Variants in STX8 observed in about 807,000 individuals in gnomAD.
STX8 encodes syntaxin 8, also known as syntaxin-8.
STX8 carries 23 observed loss-of-function variants against 37.5 expected under a neutral mutation model. That is an observed-to-expected ratio of 0.61 (90% CI 0.44 to 0.87). The LOEUF (loss-of-function observed/expected upper bound fraction) is 0.87. Among genes scored for constraint, STX8 ranks in the 40% least tolerant of loss-of-function variants. The probability of loss-of-function intolerance (pLI) is 0.00; values close to 1 mark genes in which losing one functional copy is unlikely to be tolerated. For missense variants in STX8, 313 were observed against 284.7 expected, an observed-to-expected ratio of 1.10 and a Z score of -0.71; for synonymous variants, 115 against 99.1, an observed-to-expected ratio of 1.16 and a Z score of -0.95.
At chr17:9,563,375 G>A (rs1907328660) in intron 2 of STX8, among the ~76,000 whole-genome samples, 1 of 151,798 alleles carries the variant, frequency 6.6e-6, no homozygotes, top group African/African-American at 2.4e-5. Context: ...GTAGAGACGG[G>A]GTTTCACCAT....
intron 7 of STX8, among the ~76,000 whole-genome samples, chr17:9,331,448 T>C (rs1433906127): frequency 1.3e-5 from 2 of 151,948 alleles, no homozygotes; most frequent in African/African-American, 2.4e-5. Flanking sequence ...ACCAGGAGTA[T>C]GAATTGCTTT....
At chr17:9,335,142 A>G (rs777443755) in intron 7 of STX8, among the ~76,000 whole-genome samples, 2 of 152,192 alleles carry the variant, frequency 1.3e-5, no homozygotes, top group Non-Finnish European at 1.5e-5. Flanking sequence ...AAAATAGCCA[A>G]TCGGAATTAG....
intron 6 of STX8, among the ~76,000 whole-genome samples, chr17:9,439,407 G>T (rs1904558667): frequency 6.6e-6 from 1 of 152,074 alleles, no homozygotes; most frequent in South Asian, 2.1e-4. Flanking sequence ...AATGTGGCTG[G>T]ACATTTGTAA....
At chr17:9,458,899 G>A (rs372538228) in intron 6 of STX8, among the ~76,000 whole-genome samples, 26 of 149,504 alleles carry the variant, frequency 1.7e-4, no homozygotes, top group African/African-American at 5.9e-4. Flanking sequence ...GTGCAATCTC[G>A]GCTCACTGCA....
intron 4 of STX8, among the ~76,000 whole-genome samples, chr17:9,518,125 ACTTTCT>A (rs72028450): frequency 0.069 from 10,553 of 152,068 alleles, 1,253 homozygotes; most frequent in African/African-American, 0.24. Context: ...TCAAGCAATG[ACTTTCT>A]CTCCTATTTG....
At chr17:9,375,063 C>CA (rs58594029) in intron 7 of STX8, among the ~76,000 whole-genome samples, 1,597 of 64,648 alleles carry the variant, frequency 0.025, 39 homozygotes, top group African/African-American at 0.041. Flanking sequence ...GACTCTGTCT[C>CA]AAAAAAAAAA....
At chr17:9,502,766 A>G (rs1306499109) in intron 5 of STX8, among the ~76,000 whole-genome samples, 4 of 152,170 alleles carry the variant, frequency 2.6e-5, no homozygotes, top group Admixed American at 2.6e-4. Flanking sequence ...GGATACACAG[A>G]TTGTGGTAAA....
intron 7 of STX8, among the ~76,000 whole-genome samples, chr17:9,254,038 CT>C (rs1906690711): frequency 6.6e-6 from 1 of 152,156 alleles, no homozygotes; most frequent in Admixed American, 6.5e-5. Flanking sequence ...CTACAGCAAG[CT>C]TTTCAGAATG....
chr17:9,267,314 C>T (rs982368693), intron 7 of STX8, among the ~76,000 whole-genome samples: 13 of 152,178 alleles, frequency 8.5e-5, no homozygotes, highest in African/African-American at 2.2e-4. Context: ...GCATACTACC[C>T]GGCTTATGGT....
At chr17:9,380,242 G>GA (rs1443718978) in intron 6 of STX8, among the ~76,000 whole-genome samples, 1 of 140,804 alleles carries the variant, frequency 7.1e-6, no homozygotes, top group Non-Finnish European at 1.5e-5. Flanking sequence ...TGTGTTGTTT[G>GA]AATTTCTGTG....
intron 4 of STX8, among the ~76,000 whole-genome samples, chr17:9,543,339 G>A (rs1232814345): frequency 2.0e-5 from 3 of 151,362 alleles, no homozygotes; most frequent in African/African-American, 4.9e-5. Context: ...TGTCGCCCAG[G>A]CTGGAGTGCA....
chr17:9,414,082 C>CCAGCCAAT (rs1484755441), intron 6 of STX8, among the ~76,000 whole-genome samples: 4 of 30,636 alleles, frequency 1.3e-4, no homozygotes, highest in African/African-American at 5.2e-4. Flanking sequence ...ACCCATCTGT[C>CCAGCCAAT]CATCCATCCA....
chr17:9,429,315 A>G (rs1567556235), intron 6 of STX8, among the ~76,000 whole-genome samples: 1 of 146,206 alleles, frequency 6.8e-6, no homozygotes, highest in Non-Finnish European at 1.5e-5. Flanking sequence ...TTATTTATAT[A>G]TTTTTATTAT....
chr17:9,458,175 A>T (rs991988470), intron 6 of STX8, among the ~76,000 whole-genome samples: 1 of 152,176 alleles, frequency 6.6e-6, no homozygotes, highest in Non-Finnish European at 1.5e-5. Context: ...TTTGAGATGG[A>T]GTCTCGCTCT....
At chr17:9,345,495 T>A (rs1419659216) in intron 7 of STX8, among the ~76,000 whole-genome samples, 1 of 152,102 alleles carries the variant, frequency 6.6e-6, no homozygotes, top group African/African-American at 2.4e-5. Flanking sequence ...ATTTGTGACT[T>A]CTGGCTTAAA....
In STX8 at chr17:9,311,556, T is replaced by C. The variant is rs75193649; in HGVS notation, c.644-60911A>G. Among the ~76,000 whole-genome samples the C allele has an allele frequency of 5.2e-3, 790 of 152,342 alleles. 12 individuals carry two copies. Among genetic ancestry groups the C allele is most frequent in the African/African-American group, 0.018 (752 of 41,572 alleles). On this transcript the variant is annotated intron_variant, in intron 7 of 7. Transcript: ENST00000306357. ...TCCATGAAATGAGGCACATATATCT[T>C]GGCATCCCTATTTGAACTGTGATTA...
At chr17:9,295,594 T>C (rs1483099443) in intron 7 of STX8, among the ~76,000 whole-genome samples, 2 of 148,040 alleles carry the variant, frequency 1.4e-5, no homozygotes, top group African/African-American at 5.0e-5. Flanking sequence ...ATACAAAAAA[T>C]TAGCTGGGCG....
chr17:9,346,173 G>C, intron 7 of STX8, among the ~76,000 whole-genome samples: 1 of 152,160 alleles, frequency 6.6e-6, no homozygotes, highest in East Asian at 1.9e-4. Flanking sequence ...ATTAAGACCA[G>C]GAAGAGTAAT....
At chr17:9,289,624 C>A (rs1015408388) in intron 7 of STX8, among the ~76,000 whole-genome samples, 1,764 of 134,166 alleles carry the variant, frequency 0.013, 14 homozygotes, top group Non-Finnish European at 0.02. Context: ...AAAAAAAAAA[C>A]AAAAAATCAG....
Sources: gnomAD v4.1 joint callset for allele counts (sites outside exome capture counted in the v4.1 genomes callset) on GRCh38, gnomAD v4.1.1 for gene constraint, MANE v1.5 for transcripts, NCBI Gene and HGNC (gene_info 2026-07-23, HGNC 2026-07-21) for gene names.